EHHADH: variants seen among roughly 807,000 people sequenced by gnomAD.
EHHADH encodes the protein peroxisomal bifunctional enzyme.
In EHHADH, 48 loss-of-function variants were observed where a neutral mutation model predicts 64.4. That is an observed-to-expected ratio of 0.75 (90% CI 0.59 to 0.95). The LOEUF (loss-of-function observed/expected upper bound fraction) is 0.95, where lower values mean the gene tolerates loss of function less well. Ranked by LOEUF, EHHADH falls within the 40% of genes least tolerant of loss-of-function variation. EHHADH has a pLI of 0.00. For synonymous variants in EHHADH, 308 were observed against 326.7 expected (o/e 0.94, Z 0.62); for missense variants, 854 against 876.6 (o/e 0.97, Z 0.33).
intron 5 of EHHADH, among the ~76,000 whole-genome samples, chr3:185,205,416 A>T (rs1445798031): frequency 6.6e-6 from 1 of 152,182 alleles, no homozygotes; most frequent in African/African-American, 2.4e-5. Context: ...TCCTAATAGT[A>T]ACAAAAACTT....
intron 5 of EHHADH, among the ~76,000 whole-genome samples, chr3:185,209,355 A>T (rs1313243137): frequency 1.3e-5 from 2 of 152,228 alleles, no homozygotes; most frequent in African/African-American, 2.4e-5. Flanking sequence ...GTACTATTTT[A>T]AAAAATAACT....
Position 185,253,771 on chromosome 3 carries a change from AAAAAAG to A in EHHADH, c.74+172_74+177del. 5.2e-6 allele frequency: 7 copies of A among 1,348,968 alleles called. No individual in the cohort carries two copies. The East Asian group carries it at 1.9e-4, about 36-fold the overall frequency. The allele number at this position is 1,348,968 out of a possible 1,614,324, so 83.6% of individuals were successfully genotyped here. A position where few individuals can be genotyped will look rare whatever the true frequency, so the allele number is the denominator to read the frequency against. On this transcript the variant is annotated intron_variant, in intron 1 of 6. Transcript: ENST00000231887. ...CAAGCTAATCTAGGTTAAAAAAAAA[AAAAAAG>A]AAAAGAAAAAGAAAGAAAGAAAAGA...
At chr3:185,237,315 A>G (rs1719321451) in intron 2 of EHHADH, among the ~76,000 whole-genome samples, 1 of 151,982 alleles carries the variant, frequency 6.6e-6, no homozygotes, top group Admixed American at 6.6e-5. Flanking sequence ...CTGAATAATG[A>G]AGTTTTGTTT....
At chr3:185,225,784 C>T (rs901747051) in intron 4 of EHHADH, among the ~76,000 whole-genome samples, 4 of 152,204 alleles carry the variant, frequency 2.6e-5, no homozygotes, top group Non-Finnish European at 5.9e-5. Flanking sequence ...GTCCCTGCCT[C>T]AGGTCTTTGT....
chr3:185,214,884 A>G (rs1395892846), intron 5 of EHHADH, among the ~76,000 whole-genome samples: 2 of 152,186 alleles, frequency 1.3e-5, no homozygotes, highest in African/African-American at 4.8e-5. Context: ...CTGTATACAA[A>G]TCTTTGTGTA....
chr3:185,220,661 A>G (rs185956928), intron 4 of EHHADH, among the ~76,000 whole-genome samples: 5 of 152,328 alleles, frequency 3.3e-5, no homozygotes, highest in Admixed American at 2.6e-4. Flanking sequence ...TGTATATCCA[A>G]TCCAGATTCT....
chr3:185,212,051 T>TAG (rs141418617), intron 5 of EHHADH, among the ~76,000 whole-genome samples: 2 of 151,144 alleles, frequency 1.3e-5, no homozygotes, highest in Admixed American at 6.6e-5. Context: ...CTGGGGAAGG[T>TAG]AGAGAGAGAG....
chr3:185,202,101 G>A (rs1211520390), intron 6 of EHHADH, among the ~76,000 whole-genome samples: 2 of 152,184 alleles, frequency 1.3e-5, no homozygotes, highest in Non-Finnish European at 2.9e-5. Flanking sequence ...ACTTTGGGAG[G>A]CCAAGGTGGG....
Position 185,193,220 on chromosome 3 carries a change from A to C in EHHADH, c.1178T>G (p.Phe393Cys), listed in dbSNP as rs1255970746. Residue 393 changes from phenylalanine (F) to cysteine (C), a missense_variant, in exon 7 of 7, where the codon TTT becomes TGT. Physicochemically the swap from Phe to Cys is radical, Grantham distance 205. Coordinates refer to ENST00000231887, the MANE Select transcript of EHHADH (RefSeq NM_001966.4). The part of the protein sequence containing the change: ...FEEMSLKKQV[F>C]AELSAVCKPE... Reference sequence around the variant, plus strand: ...TTTGCACACAGCTGAGAGTTCAGCAAAGACCTGCTTCTTCAGGCTCATTTC... The same window carrying C: ...TTTGCACACAGCTGAGAGTTCAGCACAGACCTGCTTCTTCAGGCTCATTTC... The C allele has an allele frequency of 6.2e-7, 1 of 1,609,120 alleles. No homozygotes were observed. The highest frequency in any genetic ancestry group is 1.7e-5 in the Admixed American group (1 of 59,164).
chr3:185,211,910 T>A (rs1472887478), intron 5 of EHHADH, among the ~76,000 whole-genome samples: 1 of 152,170 alleles, frequency 6.6e-6, no homozygotes, highest in Non-Finnish European at 1.5e-5. Flanking sequence ...AGAATTAGAA[T>A]TGTTAAAAGT....
At chr3:185,237,201 G>T (rs907347313) in intron 2 of EHHADH, among the ~76,000 whole-genome samples, 3 of 152,004 alleles carry the variant, frequency 2.0e-5, no homozygotes, top group Admixed American at 6.6e-5. Flanking sequence ...AATTAATATT[G>T]GGATATTGAT....
At chr3:185,232,431 T>A (rs1719161089) in intron 3 of EHHADH, among the ~76,000 whole-genome samples, 3 of 152,224 alleles carry the variant, frequency 2.0e-5, no homozygotes, top group Admixed American at 2.0e-4. Flanking sequence ...TTGAATATTA[T>A]GCCGCCACTT....
At chr3:185,197,798 T>G (rs1180510555) in intron 6 of EHHADH, among the ~76,000 whole-genome samples, 1 of 152,204 alleles carries the variant, frequency 6.6e-6, no homozygotes, top group Non-Finnish European at 1.5e-5. Flanking sequence ...TTCAATTCTT[T>G]TTTTGTTTGT....
intron 5 of EHHADH, among the ~76,000 whole-genome samples, chr3:185,217,876 T>C (rs1464647345): frequency 6.6e-6 from 1 of 151,632 alleles, no homozygotes; most frequent in African/African-American, 2.4e-5. Context: ...GCCATTCTCC[T>C]GCCTCAGCCT....
chr3:185,250,075 A>T (rs2108653803), intron 1 of EHHADH, among the ~76,000 whole-genome samples: 1 of 152,326 alleles, frequency 6.6e-6, no homozygotes, highest in Non-Finnish European at 1.5e-5. Context: ...TTGATTGTGG[A>T]GCAGCTGTAT....
intron 4 of EHHADH, among the ~76,000 whole-genome samples, chr3:185,222,996 A>G (rs1718875193): frequency 6.6e-6 from 1 of 152,198 alleles, no homozygotes; most frequent in Admixed American, 6.5e-5. Context: ...TTATCTCCTC[A>G]TCAGTTTTTC....
rs959049994 is a variant in EHHADH, at chr3:185,232,082, G to A, written c.352-2539C>T. Among the ~76,000 whole-genome samples, 2 of 152,016 alleles carry A rather than the reference G, an allele frequency of 1.3e-5. 1 individual carries two copies. The highest frequency in any genetic ancestry group is 1.3e-4 in the Admixed American group (2 of 15,270). ...TCCATTTAAAAGTGGCTGAGGATCT[G>A]TTAGCCATTTACAGGTATAAGGGTG... is the stretch of plus-strand genomic sequence containing the variant. On this transcript the variant is annotated intron_variant, in intron 3 of 6. Transcript: ENST00000231887.
In EHHADH at chr3:185,242,171, T is replaced by C. The variant is rs145489917; in HGVS notation, c.178+6243A>G. ...CACTGCTGAAAGAAACCTTAGATGA[T>C]GTTAACAAATGGAAACACATCCCAT... On this transcript the variant is annotated intron_variant, in intron 2 of 6. Transcript: ENST00000231887. Among the ~76,000 whole-genome samples, 715 of 152,282 alleles carry C rather than the reference T, an allele frequency of 4.7e-3. 3 individuals carry two copies. Among genetic ancestry groups the C allele is most frequent in the African/African-American group, 0.016 (682 of 41,566 alleles).
At chr3:185,225,881 T>C (rs1054953981) in intron 4 of EHHADH, among the ~76,000 whole-genome samples, 1 of 152,178 alleles carries the variant, frequency 6.6e-6, no homozygotes, top group African/African-American at 2.4e-5. Flanking sequence ...TACTCAGATG[T>C]CATTTTGTAG....
Sources: allele counts gnomAD v4.1 joint callset (sites outside exome capture counted in the v4.1 genomes callset), GRCh38; gene constraint gnomAD v4.1.1; transcripts MANE v1.5; gene names NCBI Gene and HGNC (gene_info 2026-07-23, HGNC 2026-07-21).